GPR157: variants seen among roughly 807,000 people sequenced by gnomAD.
GPR157 encodes G-protein coupled receptor 157.
GPR157 carries 16 observed loss-of-function variants against 23.5 expected under a neutral mutation model. The ratio of observed to expected loss-of-function variants is 0.68; its 90% CI spans 0.46 to 1.04. The LOEUF (loss-of-function observed/expected upper bound fraction) is 1.04. GPR157 is among the 50% of genes least tolerant of loss of function. The pLI is 0.00. For synonymous variants in GPR157, 200 were observed against 221.5 expected (o/e 0.90, Z 0.86); for missense variants, 440 against 460.7 (o/e 0.96, Z 0.41).
intron 1 of GPR157, among the ~76,000 whole-genome samples, chr1:9,125,548 G>A (rs532166300): frequency 9.9e-5 from 15 of 152,164 alleles, no homozygotes; most frequent in African/African-American, 3.4e-4. Context: ...ACTTGTGCAC[G>A]TGCAGGATTC....
At position 9,114,158 on chromosome 1, in the gene GPR157, G is replaced by A. The variant is rs1170626957; in HGVS notation, c.384-2669C>T. On this transcript the variant is annotated intron_variant, in intron 1 of 3. Coordinates refer to ENST00000377411, the MANE Select transcript of GPR157 (RefSeq NM_024980.5). Reference sequence around the variant, plus strand: ...AGCCTGGCCAACATGGTGAAACTCCGTCTCTACCAAAAATACAAAAATTAG... The same window carrying A: ...AGCCTGGCCAACATGGTGAAACTCCATCTCTACCAAAAATACAAAAATTAG... Among the ~76,000 whole-genome samples, 4 of 151,804 alleles carry A rather than the reference G, an allele frequency of 2.6e-5. No homozygotes were observed. The South Asian group carries it at 8.3e-4, about 32-fold the overall frequency.
chr1:9,121,269 C>T (rs1054357655), intron 1 of GPR157, among the ~76,000 whole-genome samples: 1 of 151,418 alleles, frequency 6.6e-6, no homozygotes, highest in African/African-American at 2.4e-5. Context: ...GAGATAGAGG[C>T]TGTACTGAGT....
chr1:9,123,163 G>GGTAAAAAAA (rs374439585), intron 1 of GPR157, among the ~76,000 whole-genome samples: 6 of 87,572 alleles, frequency 6.9e-5, no homozygotes, highest in African/African-American at 2.6e-4. Context: ...TCTTGGGTGG[G>GGTAAAAAAA]AAAAAAAAAA....
At chr1:9,110,659 C>G (rs1638463143) in intron 2 of GPR157, among the ~76,000 whole-genome samples, 1 of 152,194 alleles carries the variant, frequency 6.6e-6, no homozygotes, top group Non-Finnish European at 1.5e-5. Flanking sequence ...CATGTGCAGA[C>G]TGGGAGGCAG....
In GPR157 at chr1:9,105,464, G is replaced by A; in HGVS notation, c.792+22C>T. The A allele has an allele frequency of 1.3e-6, 2 of 1,527,160 alleles. No individual in the cohort carries two copies. Among genetic ancestry groups the A allele is most frequent in the Non-Finnish European group, 1.8e-6 (2 of 1,131,032 alleles). 94.6% of individuals were successfully genotyped at this position (1,527,160 alleles called of 1,614,324 possible). The stretch of plus-strand genomic sequence containing the variant: ...CCTCCTCTGGGGGCAGGGACGACAA[G>A]GGCCAGGGAGGGCAGACCTACATGC... On this transcript the variant is annotated intron_variant, in intron 3 of 3. Transcript: ENST00000377411. This position sits in a 1 kb window ranked among gnomAD's most constrained non-coding sequence, Gnocchi z 4.8.
At chr1:9,127,829 G>A (rs1638997655) in intron 1 of GPR157, among the ~76,000 whole-genome samples, 1 of 152,116 alleles carries the variant, frequency 6.6e-6, no homozygotes, top group Non-Finnish European at 1.5e-5. Context: ...ACAGCCCCTA[G>A]GATTCCTGCC....
chr1:9,124,664 T>A (rs549405356), intron 1 of GPR157, among the ~76,000 whole-genome samples: 30 of 152,204 alleles, frequency 2.0e-4, no homozygotes, highest in Non-Finnish European at 3.4e-4. Context: ...CTGGTCTAAC[T>A]GGTTGTCTAG....
rs775520071 is a variant in GPR157, at chr1:9,119,030, C to CT, written c.384-7542dup. Among the ~76,000 whole-genome samples the CT allele has an allele frequency of 3.8e-3, 434 of 113,234 alleles. 1 individual carries two copies. The highest frequency in any genetic ancestry group is 0.013 in the Middle Eastern group (3 of 240). The allele number at this position is 113,234 out of a possible 152,430, so 74.3% of individuals were successfully genotyped here. ...AGCCTGGGTGAGAGTGAGACCCTGCCTTTTTTTTTTTTTTTTTTTGAGATG... is the reference window on the plus strand; with the variant it reads ...AGCCTGGGTGAGAGTGAGACCCTGCCTTTTTTTTTTTTTTTTTTTTGAGATG... On this transcript the variant is annotated intron_variant, in intron 1 of 3. Transcript: ENST00000377411.
Position 9,116,340 on chromosome 1 carries a change from T to TATATAATTA in GPR157, c.384-4852_384-4851insTAATTATAT, listed in dbSNP as rs1165282177. On this transcript the variant is annotated intron_variant, in intron 1 of 3. Transcript: ENST00000377411. ...ATAATATATATAAATTATATATAAT[T>TATATAATTA]TATATATAATTATATATAAATTATA... Among the ~76,000 whole-genome samples the TATATAATTA allele has an allele frequency of 1.8e-4, 3 of 16,424 alleles. 1 individual carries two copies. Among genetic ancestry groups the TATATAATTA allele is most frequent in the African/African-American group, 1.4e-3 (3 of 2,158 alleles). 10.8% of individuals were successfully genotyped at this position (16,424 alleles called of 152,430 possible). A position where few individuals can be genotyped will look rare whatever the true frequency, so the allele number is the denominator to read the frequency against.
At chr1:9,122,473 C>T (rs1228952592) in intron 1 of GPR157, among the ~76,000 whole-genome samples, 1 of 152,170 alleles carries the variant, frequency 6.6e-6, no homozygotes, top group East Asian at 1.9e-4. Flanking sequence ...CACTTCTTAA[C>T]TACAAAAGGG....
chr1:9,110,173 C>G (rs1207146793), intron 2 of GPR157, among the ~76,000 whole-genome samples: 1 of 152,234 alleles, frequency 6.6e-6, no homozygotes, highest in African/African-American at 2.4e-5. Context: ...TCTGAGTCCT[C>G]AAGATGAACT....
chr1:9,119,724 C>T (rs1387378936), intron 1 of GPR157, among the ~76,000 whole-genome samples: 1 of 152,172 alleles, frequency 6.6e-6, no homozygotes, highest in Non-Finnish European at 1.5e-5. Flanking sequence ...TGGGCCGGGA[C>T]CCTCCACCAG....
At position 9,113,487 on chromosome 1, in the gene GPR157, C is replaced by T. The variant is rs115524355; in HGVS notation, c.384-1998G>A. Among the ~76,000 whole-genome samples, 398 of 152,290 alleles carry T rather than the reference C, an allele frequency of 2.6e-3. 5 individuals carry two copies. The highest frequency in any genetic ancestry group is 9.1e-3 in the African/African-American group (378 of 41,558). ...GGCCTCATGCAGGATGCTTCCAGAA[C>T]AGAGGGGCCCTGGCCAACCATCCCC... On this transcript the variant is annotated intron_variant, in intron 1 of 3. Transcript: ENST00000377411.
At chr1:9,123,158 G>A (rs1183773506) in intron 1 of GPR157, among the ~76,000 whole-genome samples, 1 of 103,448 alleles carries the variant, frequency 9.7e-6, no homozygotes, top group African/African-American at 4.3e-5. Flanking sequence ...AACTGTCTTG[G>A]GTGGGAAAAA....
rs937901661 is a variant in GPR157, at chr1:9,120,494, G to C, written c.383+8151C>G. Among the ~76,000 whole-genome samples the C allele has an allele frequency of 1.3e-5, 2 of 152,224 alleles. No homozygotes were observed. The highest frequency in any genetic ancestry group is 4.8e-5 in the African/African-American group (2 of 41,460). On this transcript the variant is annotated intron_variant, in intron 1 of 3. Transcript: ENST00000377411. The surrounding 1 kb of genome is among the most constrained non-coding windows in gnomAD (Gnocchi z 4.1). ...GAGCAGGGCTGGGGGAAGCCCAGCTGTAGGGAGTGAGGCCTGGTGAGAGGC... is the reference window on the plus strand; with the variant it reads ...GAGCAGGGCTGGGGGAAGCCCAGCTCTAGGGAGTGAGGCCTGGTGAGAGGC...
intron 1 of GPR157, among the ~76,000 whole-genome samples, chr1:9,117,745 G>A (rs1217021940): frequency 6.6e-6 from 1 of 152,118 alleles, no homozygotes; most frequent in African/African-American, 2.4e-5. Flanking sequence ...CTGGGCGACA[G>A]AGTGGGACTC....
At position 9,101,610 on chromosome 1, in the gene GPR157, G is replaced by A. The variant is rs1487980133; in HGVS notation, c.*2809C>T. ...CGGAGGAAGCTGACTAGAGATACCT[G>A]ATGTATAACTTTTTGGAGGTTTTTA... On this transcript the variant is annotated 3_prime_UTR_variant, in exon 4 of 4. Coordinates refer to ENST00000377411, the MANE Select transcript of GPR157 (RefSeq NM_024980.5). 6 of 152,218 alleles carry A rather than the reference G, an allele frequency of 3.9e-5. No homozygotes were observed. The highest frequency in any genetic ancestry group is 8.8e-5 in the Non-Finnish European group (6 of 68,036). 9.4% of individuals were successfully genotyped at this position (152,218 alleles called of 1,614,324 possible). A position where few individuals can be genotyped will look rare whatever the true frequency, so the allele number is the denominator to read the frequency against.
chr1:9,123,794 T>TTA (rs1296412486), intron 1 of GPR157, among the ~76,000 whole-genome samples: 3 of 130,142 alleles, frequency 2.3e-5, no homozygotes, highest in Admixed American at 8.8e-5. Flanking sequence ...ATATTTAATA[T>TTA]TATATATATA....
intron 1 of GPR157, among the ~76,000 whole-genome samples, chr1:9,112,572 C>A (rs1044807790): frequency 2.6e-5 from 4 of 152,194 alleles, no homozygotes; most frequent in Admixed American, 2.6e-4. Context: ...CCTGCCTCAG[C>A]CTCCTAAGTA....
Sources: allele counts gnomAD v4.1 joint callset (sites outside exome capture counted in the v4.1 genomes callset), GRCh38; gene constraint gnomAD v4.1.1; non-coding constraint Gnocchi (gnomAD v3.1); transcripts MANE v1.5; gene names NCBI Gene and HGNC (gene_info 2026-07-23, HGNC 2026-07-21).